RAD54L2: variants seen among roughly 807,000 people sequenced by gnomAD.
The protein encoded by RAD54L2 is helicase ARIP4.
In RAD54L2, 27 loss-of-function variants were observed where a neutral mutation model predicts 138.4. The ratio of observed to expected loss-of-function variants is 0.20; its 90% CI spans 0.14 to 0.27. The LOEUF (loss-of-function observed/expected upper bound fraction) is 0.27, where lower values mean the gene tolerates loss of function less well. RAD54L2 is among the 10% of genes least tolerant of loss of function. RAD54L2 has a pLI of 1.00. For missense variants in RAD54L2, 1,396 were observed against 1,890.2 expected, an observed-to-expected ratio of 0.74 and a Z score of 4.85; for synonymous variants, 644 against 723.2, an observed-to-expected ratio of 0.89 and a Z score of 1.76.
Position 51,645,594 on chromosome 3 carries a change from G to A in RAD54L2, c.2660G>A (p.Arg887Gln), listed in dbSNP as rs1666166992. The A allele has an allele frequency of 6.2e-7, 1 of 1,609,480 alleles. No homozygotes were observed. The highest frequency in any genetic ancestry group is 8.5e-7 in the Non-Finnish European group (1 of 1,177,900). The change falls in exon 18 of 23, where the codon CGG becomes CAG. Residue 887 changes from arginine (R) to glutamine (Q), a missense_variant. Coordinates refer to ENST00000684192, the MANE Select transcript of RAD54L2 (RefSeq NM_015106.4). The surrounding 1 kb of genome is among the most constrained non-coding windows in gnomAD (Gnocchi z 6.1). ...RQISKQGMSD[R>Q]VVDDLNPMLN... The stretch of plus-strand genomic sequence containing the variant: ...CTTCATGTCTTTATCCTTCTAGATC[G>A]GGTGGTGGATGATCTAAATCCAATG...
chr3:51,629,234 C>T (rs1367176554), intron 4 of RAD54L2, 100 bp from the exon 5 acceptor site: 10 of 1,332,162 alleles, frequency 7.5e-6, no homozygotes, highest in African/African-American at 3.0e-5. Context: ...TCTCCCGCCT[C>T]GACTCTGAGA....
rs1195936159 is a variant in RAD54L2, at chr3:51,668,197, C to T, written c.*4777C>T. 1 of 152,178 alleles carries T rather than the reference C, an allele frequency of 6.6e-6. No individual in the cohort carries two copies. 9.4% of individuals were successfully genotyped at this position (152,178 alleles called of 1,614,324 possible). ...TGGGGACTCACCAGAAGAATCCCCC[C>T]CAGCCTGCCCAAGACAGGTTTTTCC... is the stretch of plus-strand genomic sequence containing the variant. On this transcript the variant is annotated 3_prime_UTR_variant, in exon 23 of 23. Transcript: ENST00000684192.
intron 2 of RAD54L2, among the ~76,000 whole-genome samples, chr3:51,552,105 C>A (rs1056985798): frequency 5.9e-5 from 9 of 152,098 alleles, no homozygotes; most frequent in African/African-American, 1.9e-4. Context: ...CACAGAAATT[C>A]TACTTATAGA....
chr3:51,624,240 T>C (rs532118658), intron 3 of RAD54L2, among the ~76,000 whole-genome samples: 21 of 149,646 alleles, frequency 1.4e-4, no homozygotes, highest in African/African-American at 4.9e-4. Context: ...TGGTTTTTTT[T>C]TTTTTTTTTT....
rs111672071 is a variant in RAD54L2 at position 51,572,178 on chromosome 3, T to G, written c.-54-18189T>G. On this transcript the variant is annotated intron_variant, in intron 2 of 22. Coordinates refer to ENST00000684192, the MANE Select transcript of RAD54L2 (RefSeq NM_015106.4). ...AGTGGTGTAAATCTGGCCAGGCATG[T>G]TGGCTCACGCCAATAATCTAAGCAC... Among the ~76,000 whole-genome samples, 938 of 152,240 alleles carry G rather than the reference T, an allele frequency of 6.2e-3. 7 individuals carry two copies. The highest frequency in any genetic ancestry group is 0.021 in the African/African-American group (883 of 41,538).
At chr3:51,655,930 T>A in intron 19 of RAD54L2, 41 bp from the exon 20 acceptor site, 1 of 1,528,158 alleles carries the variant, frequency 6.5e-7, no homozygotes, top group Non-Finnish European at 8.9e-7. Flanking sequence ...GTAACAGTTG[T>A]TCTGCCAAAC....
Position 51,662,654 on chromosome 3 carries a change from G to A in RAD54L2, c.3638G>A (p.Ser1213Asn). Residue 1213 changes from serine to asparagine, a missense_variant, in exon 23 of 23, where the codon AGT (serine) becomes AAT (asparagine). Physicochemically the swap from Ser to Asn is conservative, Grantham distance 46. This residue lies in a region of RAD54L2 where 634 missense variants were observed against 711.2 expected (regional missense o/e 0.89). Coordinates refer to ENST00000684192, the MANE Select transcript of RAD54L2 (RefSeq NM_015106.4). This position sits in a 1 kb window ranked among gnomAD's most constrained non-coding sequence, Gnocchi z 4.6. ...CCCCCGGCCCAACTTATGGACAGCAGTGCTGTTCCCGGGACAGCTCTCGGA... is the reference window on the plus strand; with the variant it reads ...CCCCCGGCCCAACTTATGGACAGCAATGCTGTTCCCGGGACAGCTCTCGGA... Reference protein sequence around the residue: ...PGPPAQLMDSSAVPGTALGTE... With the variant: ...PGPPAQLMDSNAVPGTALGTE... 2.5e-6 allele frequency: 4 copies of A among 1,613,448 alleles called. No individual in the cohort carries two copies. The highest frequency in any genetic ancestry group is 3.4e-6 in the Non-Finnish European group (4 of 1,179,694).
intron 2 of RAD54L2, among the ~76,000 whole-genome samples, chr3:51,579,436 G>C (rs969351582): frequency 6.6e-6 from 1 of 152,238 alleles, no homozygotes; most frequent in South Asian, 2.1e-4. Flanking sequence ...CCTGCCTCCT[G>C]TTCCTATCCT....
chr3:51,607,357 G>A (rs555984846), intron 3 of RAD54L2, among the ~76,000 whole-genome samples: 1 of 152,096 alleles, frequency 6.6e-6, no homozygotes, highest in Non-Finnish European at 1.5e-5. Context: ...AGCACATCTT[G>A]CACCGCCCTT....
chr3:51,648,344 C>T (rs907368841), intron 19 of RAD54L2, among the ~76,000 whole-genome samples: 3 of 152,254 alleles, frequency 2.0e-5, no homozygotes, highest in African/African-American at 4.8e-5. Flanking sequence ...CTGCCTGCCT[C>T]TGTAGATTCC....
Position 51,598,628 on chromosome 3 carries a change from C to T in RAD54L2, c.139+8069C>T, listed in dbSNP as rs193169626. On this transcript the variant is annotated intron_variant, in intron 3 of 22. Coordinates refer to ENST00000684192, the MANE Select transcript of RAD54L2 (RefSeq NM_015106.4). The stretch of plus-strand genomic sequence containing the variant: ...AAAATTAGCTGGGCATGGTGGTGCA[C>T]GCCTGTAATCCCAGCTACTCGGGAG... Among the ~76,000 whole-genome samples the T allele has an allele frequency of 2.6e-3, 402 of 152,082 alleles. 3 individuals are homozygous for T. The highest frequency in any genetic ancestry group is 9.3e-3 in the African/African-American group (385 of 41,498).
chr3:51,634,087 G>T (rs373159206), intron 9 of RAD54L2, 52 bp downstream of exon 9: 1 of 1,579,788 alleles, frequency 6.3e-7, no homozygotes, highest in African/African-American at 1.4e-5. Flanking sequence ...ACTTCTGTCC[G>T]TGATCTGATG....
intron 3 of RAD54L2, among the ~76,000 whole-genome samples, chr3:51,597,341 G>T (rs73078702): frequency 2.0e-5 from 3 of 151,980 alleles, no homozygotes; most frequent in Admixed American, 1.3e-4. Flanking sequence ...TTTGTGGTTG[G>T]GGGTAACTGG....
At chr3:51,576,315 T>G (rs1361306630) in intron 2 of RAD54L2, among the ~76,000 whole-genome samples, 3 of 152,316 alleles carry the variant, frequency 2.0e-5, no homozygotes, top group Non-Finnish European at 2.9e-5. Flanking sequence ...TCTCTTTTTT[T>G]GTTGTGTCTT....
chr3:51,621,806 A>C (rs575865082), intron 3 of RAD54L2, among the ~76,000 whole-genome samples: 125 of 152,342 alleles, frequency 8.2e-4, no homozygotes, highest in African/African-American at 2.9e-3. Flanking sequence ...CAAAACACTA[A>C]GTTGAAGTGT....
At chr3:51,655,076 G>C (rs1348951616) in intron 19 of RAD54L2, among the ~76,000 whole-genome samples, 3 of 152,248 alleles carry the variant, frequency 2.0e-5, no homozygotes, top group African/African-American at 4.8e-5. Flanking sequence ...CTGACCAAAG[G>C]GGCCTTTAAA....
At position 51,645,549 on chromosome 3, in the gene RAD54L2, T is replaced by C. The variant is rs953803886; in HGVS notation, c.2657-42T>C. ...CATTATTAGTGACCTTTACAGTTTT[T>C]AATGCCATGTGCTGACTTTCTTCAT... On this transcript the variant is annotated intron_variant, in intron 17 of 22. Transcript: ENST00000684192. The surrounding 1 kb of genome is among the most constrained non-coding windows in gnomAD (Gnocchi z 6.1). The C allele has an allele frequency of 1.0e-5, 16 of 1,542,348 alleles. No individual in the cohort carries two copies. Among genetic ancestry groups the C allele is most frequent in the Non-Finnish European group, 1.4e-5 (16 of 1,139,716 alleles).
intron 3 of RAD54L2, among the ~76,000 whole-genome samples, chr3:51,615,407 G>A (rs145919626): frequency 1.2e-4 from 18 of 152,280 alleles, no homozygotes; most frequent in Non-Finnish European, 2.6e-4. Flanking sequence ...GAATATCTAC[G>A]TGTGGTTGTG....
chr3:51,645,573 A>T lies in RAD54L2; in HGVS notation c.2657-18A>T. 2 of 1,592,706 alleles carry T rather than the reference A, an allele frequency of 1.3e-6. No homozygotes were observed. The highest frequency in any genetic ancestry group is 2.2e-5 in the East Asian group (1 of 44,628). ...TTAATGCCATGTGCTGACTTTCTTC[A>T]TGTCTTTATCCTTCTAGATCGGGTG... On this transcript the variant is annotated intron_variant, in intron 17 of 22. Coordinates refer to ENST00000684192, the MANE Select transcript of RAD54L2 (RefSeq NM_015106.4). This position sits in a 1 kb window ranked among gnomAD's most constrained non-coding sequence, Gnocchi z 6.1.
Sources: gnomAD v4.1 joint callset for allele counts (sites outside exome capture counted in the v4.1 genomes callset) on GRCh38, gnomAD v4.1.1 for gene constraint, gnomAD v4.1.1 regional missense constraint, Gnocchi (gnomAD v3.1) non-coding constraint, MANE v1.5 for transcripts, NCBI Gene and HGNC (gene_info 2026-07-23, HGNC 2026-07-21) for gene names.